HTT: variants seen among roughly 807,000 people sequenced by gnomAD.
The protein encoded by HTT is huntington disease protein.
In HTT, 104 loss-of-function variants were observed where a neutral mutation model predicts 362.3. The ratio of observed to expected loss-of-function variants is 0.29; its 90% confidence interval spans 0.24 to 0.34. The LOEUF (loss-of-function observed/expected upper bound fraction) is 0.34, where lower values mean the gene tolerates loss of function less well. HTT is among the 10% of genes least tolerant of loss of function. The pLI, the probability that HTT is intolerant of heterozygous loss-of-function variation, is 1.00. For synonymous variants in HTT, 1,577 were observed against 1,548.7 expected (o/e 1.02, Z -0.43); for missense variants, 3,301 against 3,928.6 (o/e 0.84, Z 4.27).
chr4:3,159,178 T>A (rs1415113864), intron 28 of HTT, among the ~76,000 whole-genome samples: 4 of 152,172 alleles, frequency 2.6e-5, no homozygotes, highest in Non-Finnish European at 5.9e-5. Flanking sequence ...CTCCTCTGAT[T>A]CCTTTTGTCT....
At chr4:3,171,206 T>A (rs189946881) in intron 29 of HTT, among the ~76,000 whole-genome samples, 1 of 152,204 alleles carries the variant, frequency 6.6e-6, no homozygotes, top group Non-Finnish European at 1.5e-5. Context: ...GAATATACTT[T>A]GAGCATATCA....
At chr4:3,075,414 G>C (rs1195235710) in intron 1 of HTT, among the ~76,000 whole-genome samples, 1 of 152,234 alleles carries the variant, frequency 6.6e-6, no homozygotes, top group African/African-American at 2.4e-5. Flanking sequence ...GTTGGGGCGA[G>C]AACTTGTTTC....
rs1714026177 is a variant in HTT at position 3,099,304 on chromosome 4, C to T, written c.378C>T (p.Gly126=). Residue 126 remains glycine, a synonymous_variant, in exon 3 of 67, where the codon GGC becomes GGT. Transcript: ENST00000355072. ...CTCCAGAATTTCAGAAACTTCTGGG[C>T]ATCGCTATGGAACTTTTTCTGCTGT... ...RNSPEFQKLL[G]IAMELFLLCS... The T allele has an allele frequency of 1.2e-6, 2 of 1,613,890 alleles. No individual in the cohort carries two copies. The highest frequency in any genetic ancestry group is 1.7e-6 in the Non-Finnish European group (2 of 1,179,802).
At chr4:3,140,231 G>A (rs1430367921) in intron 21 of HTT, among the ~76,000 whole-genome samples, 1 of 150,754 alleles carries the variant, frequency 6.6e-6, no homozygotes, top group South Asian at 2.1e-4. Flanking sequence ...ATTGTACTCC[G>A]GCCTGGGCCA....
intron 53 of HTT, among the ~76,000 whole-genome samples, chr4:3,221,760 A>G (rs1361630280): frequency 6.6e-6 from 1 of 152,228 alleles, no homozygotes; most frequent in African/African-American, 2.4e-5. Flanking sequence ...CAGCTCATCA[A>G]TAGGGATGGA....
At position 3,239,065 on chromosome 4, in the gene HTT, C is replaced by A. The variant is rs1286826597; in HGVS notation, c.9215+87C>A. ...TCATGATAAGGTTTTGAAACCTAAC[C>A]TTTGCAAAAACCCCACAGATGCCAG... On this transcript the variant is annotated intron_variant, in intron 66 of 66. Transcript: ENST00000355072. 3.6e-6 allele frequency: 5 copies of A among 1,386,060 alleles called. No individual in the cohort carries two copies. In the African/African-American group the frequency reaches 5.7e-5, roughly 16 times the overall value. The allele number at this position is 1,386,060 out of a possible 1,614,324, so 85.9% of individuals were successfully genotyped here. A position where few individuals can be genotyped will look rare whatever the true frequency, so the allele number is the denominator to read the frequency against.
chr4:3,145,014 A>G (rs1041766981), intron 23 of HTT, 138 bp from the exon 24 acceptor site: 2 of 699,442 alleles, frequency 2.9e-6, no homozygotes, highest in African/African-American at 3.5e-5. Flanking sequence ...CCATGGTGGG[A>G]CAGATATCCT....
intron 26 of HTT, among the ~76,000 whole-genome samples, chr4:3,153,022 C>G (rs1424827847): frequency 1.3e-5 from 2 of 152,086 alleles, no homozygotes; most frequent in East Asian, 3.9e-4. Flanking sequence ...AGCCATTCAT[C>G]CTATTATGGT....
intron 50 of HTT, 40 bp from the exon 51 acceptor site, chr4:3,215,070 G>A (rs1477739872): frequency 1.4e-6 from 2 of 1,467,258 alleles, no homozygotes; most frequent in African/African-American, 1.4e-5. Flanking sequence ...ACTGATGGAA[G>A]TGTGTAGAAA....
chr4:3,193,424 G>A (rs564575672), intron 40 of HTT, among the ~76,000 whole-genome samples: 24 of 152,316 alleles, frequency 1.6e-4, no homozygotes, highest in Admixed American at 3.3e-4. Flanking sequence ...GCCACCAGTT[G>A]GTTTGGATTT....
intron 2 of HTT, among the ~76,000 whole-genome samples, chr4:3,095,635 A>G (rs1713819882): frequency 6.6e-6 from 1 of 152,248 alleles, no homozygotes; most frequent in South Asian, 2.1e-4. Flanking sequence ...CTTTTAAGCC[A>G]CATAGTTTGT....
In HTT at chr4:3,094,726, C is replaced by T. The variant is rs1255613601; in HGVS notation, c.348-4548C>T. Among the ~76,000 whole-genome samples the T allele has an allele frequency of 2.2e-5, 3 of 135,788 alleles. 1 individual carries two copies. The highest frequency in any genetic ancestry group is 7.0e-5 in the Admixed American group (1 of 14,284). 89.1% of individuals were successfully genotyped at this position (135,788 alleles called of 152,430 possible). On this transcript the variant is annotated intron_variant, in intron 2 of 66. Coordinates refer to ENST00000355072, the MANE Select transcript of HTT (RefSeq NM_001388492.1). ...CGGGCGGGGGCTGCCCCCCACCTCC[C>T]GGACGGAGCGGCTGCCGGGCGGAGG... is the stretch of plus-strand genomic sequence containing the variant.
chr4:3,181,750 G>A (rs780114127), intron 36 of HTT, among the ~76,000 whole-genome samples: 19 of 152,128 alleles, frequency 1.2e-4, no homozygotes, highest in Non-Finnish European at 2.8e-4. Flanking sequence ...GTCTGAAAAT[G>A]AGCAACTGGC....
rs1720769205 is a variant in HTT, at chr4:3,223,472, G to A, written c.7537G>A (p.Ala2513Thr). The change falls in exon 55 of 67, where the codon GCA becomes ACA. Residue 2513 changes from alanine to threonine, a missense_variant. Coordinates refer to ENST00000355072, the MANE Select transcript of HTT (RefSeq NM_001388492.1). ...VQAITSLVLSAMTVPVAGNPA... is the reference protein window; with the variant it reads ...VQAITSLVLSTMTVPVAGNPA... ...GGCCATCACCTCACTGGTGCTCAGT[G>A]CAATGACTGTGCCTGTGGCCGGCAA... 1.2e-6 allele frequency: 2 copies of A among 1,613,826 alleles called. No homozygotes were observed. The highest frequency in any genetic ancestry group is 4.5e-5 in the East Asian group (2 of 44,874).
intron 29 of HTT, among the ~76,000 whole-genome samples, chr4:3,168,602 T>C (rs1359942897): frequency 2.6e-5 from 4 of 152,244 alleles, no homozygotes; most frequent in Non-Finnish European, 5.9e-5. Flanking sequence ...TGCATTGGAT[T>C]TTTCTTTTGC....
chr4:3,236,448 C>T (rs1721536599), intron 64 of HTT, among the ~76,000 whole-genome samples, 194 bp downstream of exon 64: 1 of 152,182 alleles, frequency 6.6e-6, no homozygotes, highest in South Asian at 2.1e-4. Context: ...GACCCCAGCA[C>T]TCAGGTGTAG....
chr4:3,083,199 A>G (rs1212833399), intron 1 of HTT, among the ~76,000 whole-genome samples: 1 of 152,176 alleles, frequency 6.6e-6, no homozygotes, highest in Non-Finnish European at 1.5e-5. Flanking sequence ...TTGTGTGGTC[A>G]AAACAAGTAG....
rs1714960501 is a variant in HTT at position 3,115,289 on chromosome 4, C to G, written c.748-15C>G. On this transcript the variant is annotated splice_polypyrimidine_tract_variant and intron_variant, in intron 6 of 66. Transcript: ENST00000355072. Reference sequence around the variant, plus strand: ...GAGCTTCATCTTTTATCTACTTGGACTTTTGCTTCCGTAGGTTTTGTTAAA... The same window carrying G: ...GAGCTTCATCTTTTATCTACTTGGAGTTTTGCTTCCGTAGGTTTTGTTAAA... The G allele has an allele frequency of 3.1e-6, 5 of 1,611,554 alleles. No homozygotes were observed. Among genetic ancestry groups the G allele is most frequent in the South Asian group, 1.1e-5 (1 of 90,750 alleles).
At chr4:3,232,585 G>A (rs1721309603) in intron 60 of HTT, among the ~76,000 whole-genome samples, 1 of 152,208 alleles carries the variant, frequency 6.6e-6, no homozygotes, top group South Asian at 2.1e-4. Flanking sequence ...GACTACCCCA[G>A]GCTTTTCTAG....
Sources: gnomAD v4.1 joint callset for allele counts (sites outside exome capture counted in the v4.1 genomes callset) on GRCh38, gnomAD v4.1.1 for gene constraint, MANE v1.5 for transcripts, NCBI Gene and HGNC (gene_info 2026-07-23, HGNC 2026-07-21) for gene names.